SHLD2: variants seen among roughly 807,000 people sequenced by gnomAD.
SHLD2 encodes the protein shieldin complex subunit 2.
SHLD2 carries 30 observed loss-of-function variants against 73.2 expected under a neutral mutation model. The ratio of observed to expected loss-of-function variants is 0.41; its 90% CI spans 0.31 to 0.56. SHLD2 has a LOEUF of 0.56. Among genes scored for constraint, SHLD2 ranks in the 20% least tolerant of loss-of-function variants. The probability of loss-of-function intolerance (pLI) is 0.28; values close to 1 mark genes in which losing one functional copy is unlikely to be tolerated. For synonymous variants in SHLD2, 285 were observed against 370.1 expected (o/e 0.77, Z 2.64); for missense variants, 745 against 1,055.9 (o/e 0.71, Z 4.08).
rs1371699028 is a variant in SHLD2, at chr10:87,175,930, T to A, written c.2005T>A (p.Tyr669Asn). ...EFKYLFVQCN[Y>N]TLENLELHTT... ...TAAATATCTTTTTGTTCAGTGCAAT[T>A]ACACACTAGAAAACCTAGAATTGCA... Residue 669 changes from tyrosine to asparagine, a missense_variant, in exon 7 of 10, where the codon TAC (tyrosine) becomes AAC (asparagine). Around this residue, in one of 5 missense-constraint regions of SHLD2, gnomAD observed 418 missense variants for 567.8 expected, o/e 0.74. Transcript: ENST00000298786. The A allele has an allele frequency of 1.3e-6, 2 of 1,550,912 alleles. No individual in the cohort carries two copies. Among genetic ancestry groups the A allele is most frequent in the Admixed American group, 3.9e-5 (2 of 50,994 alleles).
intron 8 of SHLD2, among the ~76,000 whole-genome samples, chr10:87,180,528 A>AT (rs200144263): frequency 0.014 from 2,145 of 152,264 alleles, 49 homozygotes; most frequent in African/African-American, 0.048. Context: ...GGGAGATTTT[A>AT]TTGTCTTCAA....
rs189013605 is a variant in SHLD2 at position 87,150,531 on chromosome 10, C to T, written c.-5-819C>T. Among the ~76,000 whole-genome samples the T allele has an allele frequency of 7.7e-3, 1,162 of 151,558 alleles. 17 individuals carry two copies. The highest frequency in any genetic ancestry group is 0.027 in the African/African-American group (1,116 of 41,404). Reference sequence around the variant, plus strand: ...ATCCCAGCACTTTGACAAGCAGAGGCGAGTGGATTTCTTGAGGTCAGGAGT... The same window carrying T: ...ATCCCAGCACTTTGACAAGCAGAGGTGAGTGGATTTCTTGAGGTCAGGAGT... On this transcript the variant is annotated intron_variant, in intron 2 of 9. Transcript: ENST00000298786.
In SHLD2 at chr10:87,180,074, G is replaced by A; in HGVS notation, c.2171-1G>A. The A allele has an allele frequency of 3.1e-6, 5 of 1,612,788 alleles. No homozygotes were observed. The South Asian group carries it at 4.4e-5, about 14-fold the overall frequency. Reference sequence around the variant, plus strand: ...ATAATATATCTGTTTGTTGTTTGTAGGAGTGGTTCTGATTAAAGCCCAGAT... The same window carrying A: ...ATAATATATCTGTTTGTTGTTTGTAAGAGTGGTTCTGATTAAAGCCCAGAT... On this transcript the variant is annotated splice_acceptor_variant, in intron 7 of 9. Transcript: ENST00000298786. LOFTEE classifies it high-confidence loss of function.
rs1053686357 is a variant in SHLD2 at position 87,191,208 on chromosome 10, G to C, written c.*525G>C. 1 of 161,714 alleles carries C rather than the reference G, an allele frequency of 6.2e-6. No individual in the cohort carries two copies. The highest frequency in any genetic ancestry group is 1.4e-5 in the Non-Finnish European group (1 of 73,264). The allele number at this position is 161,714 out of a possible 1,614,324, so 10.0% of individuals were successfully genotyped here. A position where few individuals can be genotyped will look rare whatever the true frequency, so the allele number is the denominator to read the frequency against. On this transcript the variant is annotated 3_prime_UTR_variant, in exon 10 of 10. Coordinates refer to ENST00000298786, the MANE Select transcript of SHLD2 (RefSeq NM_001330112.2). ...AAAAAGTATTGAAAATGAAGGAAAT[G>C]AGATCATGTTTCAATTTATTAAAGC...
rs1455271796 is a variant in SHLD2, at chr10:87,158,294, A to G, written c.1633+139A>G. The G allele has an allele frequency of 3.7e-6, 3 of 814,548 alleles. No individual in the cohort carries two copies. The East Asian group carries it at 8.3e-5, about 22-fold the overall frequency. 50.5% of individuals were successfully genotyped at this position (814,548 alleles called of 1,614,324 possible). On this transcript the variant is annotated intron_variant, in intron 4 of 9. Transcript: ENST00000298786. Reference sequence around the variant, plus strand: ...GTATTGGTTTCTTTTCATTAGTAAGAATGAAAATAGAATTTTAAGAAATGA... The same window carrying G: ...GTATTGGTTTCTTTTCATTAGTAAGGATGAAAATAGAATTTTAAGAAATGA...
chr10:87,120,910 TGTG>T, intron 2 of SHLD2, among the ~76,000 whole-genome samples: 1 of 151,792 alleles, frequency 6.6e-6, no homozygotes, highest in East Asian at 2.0e-4. Flanking sequence ...ATTAGCTGGG[TGTG>T]GTGGTGCATA....
intron 2 of SHLD2, among the ~76,000 whole-genome samples, chr10:87,107,662 G>T (rs1229433824): frequency 6.6e-6 from 1 of 152,172 alleles, no homozygotes; most frequent in Non-Finnish European, 1.5e-5. Context: ...CAGAAATCCA[G>T]TGTGACTGTG....
At chr10:87,105,891 C>T (rs187503813) in intron 2 of SHLD2, among the ~76,000 whole-genome samples, 5 of 152,336 alleles carry the variant, frequency 3.3e-5, no homozygotes, top group Middle Eastern at 3.4e-3. Flanking sequence ...TTACATGCCA[C>T]GCCCTGGCTG....
intron 2 of SHLD2, among the ~76,000 whole-genome samples, chr10:87,147,956 C>T (rs902604285): frequency 5.3e-5 from 8 of 151,550 alleles, no homozygotes; most frequent in African/African-American, 1.9e-4. Context: ...CTCCTGGGTT[C>T]AAGCGATTCT....
intron 2 of SHLD2, among the ~76,000 whole-genome samples, chr10:87,132,603 C>T (rs1047683525): frequency 1.3e-5 from 2 of 151,956 alleles, no homozygotes; most frequent in Non-Finnish European, 2.9e-5. Flanking sequence ...GGTGAAACCC[C>T]ATCTCTACAA....
intron 2 of SHLD2, among the ~76,000 whole-genome samples, chr10:87,115,923 T>C (rs1452451577): frequency 6.6e-6 from 1 of 152,182 alleles, no homozygotes. Context: ...TTTAAGCTTC[T>C]TGAGGGCTTG....
chr10:87,145,529 T>A lies in SHLD2; in HGVS notation c.-5-5821T>A, dbSNP rs559647094. 2.0e-5 allele frequency among the ~76,000 whole-genome samples: 3 copies of A among 152,146 alleles called. No individual in the cohort carries two copies. The East Asian group carries it at 5.8e-4, about 29-fold the overall frequency. On this transcript the variant is annotated intron_variant, in intron 2 of 9. Transcript: ENST00000298786. ...TGCTATTGAGCAACTTTATGATTTT[T>A]TTTGGTGTTTTTGGTAAAATAGACA...
At chr10:87,163,761 CTG>C (rs1564606627) in intron 4 of SHLD2, among the ~76,000 whole-genome samples, 1 of 149,526 alleles carries the variant, frequency 6.7e-6, no homozygotes, top group Non-Finnish European at 1.5e-5. Flanking sequence ...TTGTTATAAA[CTG>C]AGGATTTTTA....
intron 3 of SHLD2, among the ~76,000 whole-genome samples, chr10:87,155,136 T>C (rs1238713213): frequency 7.4e-6 from 1 of 134,274 alleles, no homozygotes; most frequent in Non-Finnish European, 1.6e-5. Context: ...AGGGTTTCAC[T>C]GTGTTAGCCA....
intron 2 of SHLD2, among the ~76,000 whole-genome samples, chr10:87,125,669 G>C (rs1175859567): frequency 6.6e-6 from 1 of 152,104 alleles, no homozygotes; most frequent in Non-Finnish European, 1.5e-5. Context: ...CCCAAGAGGT[G>C]GAGGTTGCAG....
chr10:87,134,974 C>CT (rs1387209612), intron 2 of SHLD2, among the ~76,000 whole-genome samples: 4 of 152,152 alleles, frequency 2.6e-5, no homozygotes, highest in African/African-American at 9.7e-5. Flanking sequence ...AAACCAAACT[C>CT]TGACCGTCGT....
intron 2 of SHLD2, among the ~76,000 whole-genome samples, chr10:87,143,556 C>G (rs922565299): frequency 5.3e-5 from 8 of 152,088 alleles, no homozygotes; most frequent in Non-Finnish European, 1.2e-4. Context: ...AAAATTCAAC[C>G]TTATTTCAGT....
intron 2 of SHLD2, among the ~76,000 whole-genome samples, chr10:87,122,801 G>A (rs1001919297): frequency 1.3e-5 from 2 of 151,974 alleles, no homozygotes; most frequent in Admixed American, 6.6e-5. Context: ...TTTTTGAGAC[G>A]GAGTCTCGCT....
chr10:87,142,521 G>A (rs947303413), intron 2 of SHLD2, among the ~76,000 whole-genome samples: 3 of 152,118 alleles, frequency 2.0e-5, no homozygotes, highest in African/African-American at 7.2e-5. Context: ...GAAGAAGGAT[G>A]GTGATTTGAG....
Sources: gnomAD v4.1 joint callset for allele counts (sites outside exome capture counted in the v4.1 genomes callset) on GRCh38, gnomAD v4.1.1 for gene constraint, gnomAD v4.1.1 regional missense constraint, MANE v1.5 for transcripts, NCBI Gene and HGNC (gene_info 2026-07-23, HGNC 2026-07-21) for gene names.